Variants in PBX1 observed in about 807,000 individuals in gnomAD.
The protein encoded by PBX1 is PBX homeobox 1, also known as pre-B-cell leukemia transcription factor 1.
A neutral mutation model predicts 53.4 loss-of-function variants in PBX1; 6 were observed. That is an observed-to-expected ratio of 0.11 (90% CI 0.06 to 0.22). The LOEUF is 0.22. Among genes scored for constraint, PBX1 ranks in the 10% least tolerant of loss-of-function variants. PBX1 has a pLI of 1.00. For missense variants in PBX1, 251 were observed against 551.4 expected, an observed-to-expected ratio of 0.46 and a Z score of 5.46; for synonymous variants, 204 against 212.3, an observed-to-expected ratio of 0.96 and a Z score of 0.34.
intron 8 of PBX1, among the ~76,000 whole-genome samples, chr1:164,837,052 G>A (rs1671071779): frequency 6.6e-6 from 1 of 152,152 alleles, no homozygotes; most frequent in Non-Finnish European, 1.5e-5. Flanking sequence ...GGTAATTGCT[G>A]TCTCTTGGAT....
In PBX1 at chr1:164,821,586, G is replaced by C; in HGVS notation, c.1160G>C (p.Gly387Ala). Residue 387 changes from glycine to alanine, a missense_variant, in exon 8 of 9, where the codon GGA (glycine) becomes GCA (alanine). This residue lies in a region of PBX1 where 92 missense variants were observed against 130.4 expected (regional missense o/e 0.71). Coordinates refer to ENST00000420696, the MANE Select transcript of PBX1 (RefSeq NM_002585.4). ...AGCCAGACAGGAGGATACAGTGATGGACTCGCAGCCAGTCAGATGTACAGT... is the reference window on the plus strand; with the variant it reads ...AGCCAGACAGGAGGATACAGTGATGCACTCGCAGCCAGTCAGATGTACAGT... Reference protein sequence around the residue: ...VISQTGGYSDGLAASQMYSPQ... With the variant: ...VISQTGGYSDALAASQMYSPQ... The C allele has an allele frequency of 6.2e-7, 1 of 1,614,040 alleles. No individual in the cohort carries two copies. The highest frequency in any genetic ancestry group is 8.5e-7 in the Non-Finnish European group (1 of 1,179,972).
At chr1:164,569,175 A>G (rs1393866686) in intron 2 of PBX1, among the ~76,000 whole-genome samples, 3 of 152,238 alleles carry the variant, frequency 2.0e-5, no homozygotes, top group Non-Finnish European at 4.4e-5. Context: ...AAACTATAAT[A>G]GTAGTGGTTA....
At chr1:164,671,415 C>T (rs1259789207) in intron 2 of PBX1, among the ~76,000 whole-genome samples, 1 of 152,158 alleles carries the variant, frequency 6.6e-6, no homozygotes, top group African/African-American at 2.4e-5. Context: ...TGCACGTTGA[C>T]ATTAAAGATG....
At chr1:164,706,011 C>T (rs1274738694) in intron 2 of PBX1, among the ~76,000 whole-genome samples, 1 of 152,010 alleles carries the variant, frequency 6.6e-6, no homozygotes, top group South Asian at 2.1e-4. Flanking sequence ...TTGTAATTGG[C>T]CTTTTGGTTT....
At chr1:164,738,842 C>T (rs151094432) in intron 2 of PBX1, among the ~76,000 whole-genome samples, 5 of 152,256 alleles carry the variant, frequency 3.3e-5, no homozygotes, top group East Asian at 3.9e-4. Flanking sequence ...AACTACTTTG[C>T]GAGGTTACAT....
chr1:164,786,265 G>A (rs1668169030), intron 2 of PBX1, among the ~76,000 whole-genome samples: 1 of 152,152 alleles, frequency 6.6e-6, no homozygotes, highest in Admixed American at 6.5e-5. Context: ...GGTTGTGTGG[G>A]GAACCGCCTT....
intron 2 of PBX1, among the ~76,000 whole-genome samples, chr1:164,623,535 C>T (rs919895582): frequency 1.3e-5 from 2 of 152,236 alleles, no homozygotes; most frequent in Non-Finnish European, 2.9e-5. Context: ...CACCTTTTTA[C>T]GCCCAAGCAG....
chr1:164,611,532 C>T (rs768573589), intron 2 of PBX1, among the ~76,000 whole-genome samples: 1 of 152,220 alleles, frequency 6.6e-6, no homozygotes, highest in Non-Finnish European at 1.5e-5. Flanking sequence ...GCCACCGCGC[C>T]CGGCCTTCTG....
chr1:164,560,417 C>G (rs1652953210), intron 1 of PBX1: 1 of 390,168 alleles, frequency 2.6e-6, no homozygotes, highest in South Asian at 1.4e-4. Flanking sequence ...TGAGGGGACT[C>G]TGTAACATTA....
In PBX1 at chr1:164,767,095, G is replaced by C. The variant is rs1237413227; in HGVS notation, c.266-25399G>C. On this transcript the variant is annotated intron_variant, in intron 2 of 8. Transcript: ENST00000420696. ...AAAGCTAGATTCCAAGGTCCATTTG[G>C]ACCTATTGCAAAAGAGAATATGCCT... Among the ~76,000 whole-genome samples the C allele has an allele frequency of 3.3e-5, 5 of 151,870 alleles. No homozygotes were observed. The East Asian group carries it at 9.6e-4, about 29-fold the overall frequency.
In PBX1 at chr1:164,776,899, T is replaced by TTG. The variant is rs368787176; in HGVS notation, c.266-15560_266-15559dup. Among the ~76,000 whole-genome samples, 905 of 97,128 alleles carry TTG rather than the reference T, an allele frequency of 9.3e-3. 30 individuals carry two copies. Among genetic ancestry groups the TTG allele is most frequent in the East Asian group, 0.021 (48 of 2,260 alleles). The allele number at this position is 97,128 out of a possible 152,430, so 63.7% of individuals were successfully genotyped here. On this transcript the variant is annotated intron_variant, in intron 2 of 8. Coordinates refer to ENST00000420696, the MANE Select transcript of PBX1 (RefSeq NM_002585.4). ...TGCAGTAAATCTTGTGGTTTTACATTTGTGTGTGTGTGTGTGTGTGTGTGT... is the reference window on the plus strand; with the variant it reads ...TGCAGTAAATCTTGTGGTTTTACATTTGTGTGTGTGTGTGTGTGTGTGTGTGT...
chr1:164,701,147 T>C (rs560453271), intron 2 of PBX1, among the ~76,000 whole-genome samples: 14 of 152,246 alleles, frequency 9.2e-5, no homozygotes, highest in East Asian at 7.7e-4. Context: ...CATTTTTTTT[T>C]CCCCTGCTAG....
intron 8 of PBX1, among the ~76,000 whole-genome samples, chr1:164,834,346 CTTTTTTTTT>C (rs56872086): frequency 7.3e-6 from 1 of 137,064 alleles, no homozygotes; most frequent in Non-Finnish European, 1.6e-5. Flanking sequence ...ATTTTTCTTT[CTTTTTTTTT>C]TTTTTTGAGA....
At chr1:164,711,286 C>CA (rs1663752411) in intron 2 of PBX1, among the ~76,000 whole-genome samples, 1 of 152,088 alleles carries the variant, frequency 6.6e-6, no homozygotes, top group African/African-American at 2.4e-5. Context: ...TTTTTTGAAA[C>CA]AGAGTCTTGC....
rs139103277 is a variant in PBX1 at position 164,802,762 on chromosome 1, ACATTCATTCATTCATT to A, written c.701+2888_701+2903del. 5.3e-5 allele frequency among the ~76,000 whole-genome samples: 8 copies of A among 151,632 alleles called. 1 individual carries two copies. Among genetic ancestry groups the A allele is most frequent in the South Asian group, 4.2e-4 (2 of 4,786 alleles). Reference sequence around the variant, plus strand: ...CGGAAGTTTAACTTAAAAATTCCACACATTCATTCATTCATTCATTCATTCATTCAACATTTATCAT... The same window carrying A: ...CGGAAGTTTAACTTAAAAATTCCACACATTCATTCATTCAACATTTATCAT... On this transcript the variant is annotated intron_variant, in intron 4 of 8. Transcript: ENST00000420696.
intron 2 of PBX1, among the ~76,000 whole-genome samples, chr1:164,632,462 C>T (rs1319334676): frequency 1.3e-5 from 2 of 152,150 alleles, no homozygotes; most frequent in Non-Finnish European, 2.9e-5. Flanking sequence ...CTTAGGTTCA[C>T]AGCACAGCCT....
chr1:164,620,701 G>A (rs561312787), intron 2 of PBX1, among the ~76,000 whole-genome samples: 31 of 148,496 alleles, frequency 2.1e-4, no homozygotes, highest in South Asian at 1.5e-3. Flanking sequence ...TTTTTTTTTT[G>A]TGATGGAGTC....
downstream of PBX1, among the ~76,000 whole-genome samples, chr1:164,855,053 A>AT: frequency 6.7e-6 from 1 of 148,476 alleles, no homozygotes. Flanking sequence ...AGCTCAAATG[A>AT]TCCTCCCACC....
intron 2 of PBX1, among the ~76,000 whole-genome samples, chr1:164,786,720 T>TGTGC (rs1357886882): frequency 1.3e-3 from 153 of 116,284 alleles, no homozygotes; most frequent in African/African-American, 5.1e-3. Context: ...TGTGTGTGTG[T>TGTGC]GCGCGCGCAC....
Sources: gnomAD v4.1 joint callset for allele counts (sites outside exome capture counted in the v4.1 genomes callset) on GRCh38, gnomAD v4.1.1 for gene constraint, gnomAD v4.1.1 regional missense constraint, MANE v1.5 for transcripts, NCBI Gene and HGNC (gene_info 2026-07-23, HGNC 2026-07-21) for gene names.